ODR4: variants seen among roughly 807,000 people sequenced by gnomAD.
ODR4 encodes protein odr-4 homolog.
ODR4 carries 47 observed loss-of-function variants against 60.2 expected under a neutral mutation model. That is an observed-to-expected ratio of 0.78 (90% CI 0.62 to 1.00). The LOEUF (loss-of-function observed/expected upper bound fraction) is 1.00, where lower values mean the gene tolerates loss of function less well. Among genes scored for constraint, ODR4 ranks in the 50% least tolerant of loss-of-function variants. ODR4 has a pLI of 0.00. For synonymous variants in ODR4, 178 were observed against 175.5 expected (o/e 1.01, Z -0.11); for missense variants, 488 against 530.8 (o/e 0.92, Z 0.79).
chr1:186,422,715 T>TATTGTA (rs1490634348), downstream of ODR4, among the ~76,000 whole-genome samples: 1 of 152,062 alleles, frequency 6.6e-6, no homozygotes, highest in African/African-American at 2.4e-5. Flanking sequence ...TTAAATTGGG[T>TATTGTA]ATTGTAGCTG....
At chr1:186,399,988 T>TCC (rs1295978984) in intron 11 of ODR4, among the ~76,000 whole-genome samples, 1 of 147,364 alleles carries the variant, frequency 6.8e-6, no homozygotes. Context: ...CTTTTTTTTT[T>TCC]TCTTTTTTTT....
chr1:186,396,720 T>TATAGATAGATAGATAG (rs71104855), intron 9 of ODR4, among the ~76,000 whole-genome samples: 2,316 of 144,852 alleles, frequency 0.016, 28 homozygotes, highest in African/African-American at 0.017. Flanking sequence ...ATGCCATAAT[T>TATAGATAGATAGATAG]ATAGATAGAT....
chr1:186,382,910 C>T (rs1660094001), intron 2 of ODR4, 112 bp from the exon 3 acceptor site: 26 of 1,121,230 alleles, frequency 2.3e-5, no homozygotes, highest in Non-Finnish European at 3.2e-5. Flanking sequence ...TAACCTGTTA[C>T]AAATATTACT....
At position 186,394,412 on chromosome 1, in the gene ODR4, A is replaced by AC. The variant is rs200282849; in HGVS notation, c.780+402dup. 1.5e-3 allele frequency among the ~76,000 whole-genome samples: 231 copies of AC among 152,162 alleles called. 6 individuals carry two copies. In the East Asian group the frequency reaches 0.041, roughly 27 times the overall value. ...TTTGAAGTAGATTAATTAGATTTAT[A>AC]CCCCCTGATTTGATAAAAATCACAA... On this transcript the variant is annotated intron_variant, in intron 9 of 13. Coordinates refer to ENST00000287859, the MANE Select transcript of ODR4 (RefSeq NM_017847.6).
At chr1:186,389,925 C>T (rs1660396993) in intron 6 of ODR4, among the ~76,000 whole-genome samples, 1 of 152,142 alleles carries the variant, frequency 6.6e-6, no homozygotes, top group Non-Finnish European at 1.5e-5. Context: ...GTAGCTGAGA[C>T]TATAGATGTG....
chr1:186,388,090 T>G (rs922923848), intron 4 of ODR4, among the ~76,000 whole-genome samples: 16 of 152,220 alleles, frequency 1.1e-4, no homozygotes, highest in African/African-American at 3.4e-4. Context: ...CCAGTTAATC[T>G]CTAATGATAG....
intron 3 of ODR4, among the ~76,000 whole-genome samples, chr1:186,383,644 A>G (rs1433122691): frequency 6.8e-6 from 1 of 147,978 alleles, no homozygotes; most frequent in Non-Finnish European, 1.5e-5. Context: ...AAATCTTTAA[A>G]TCTTTTAAAC....
intron 12 of ODR4, among the ~76,000 whole-genome samples, chr1:186,412,397 T>A (rs529855514): frequency 1.3e-5 from 2 of 152,182 alleles, no homozygotes; most frequent in East Asian, 3.9e-4. Flanking sequence ...GAAGGATGAA[T>A]ACAAATAAAA....
intron 9 of ODR4, among the ~76,000 whole-genome samples, chr1:186,397,713 G>T (rs1273051550): frequency 6.6e-6 from 1 of 152,090 alleles, no homozygotes; most frequent in Non-Finnish European, 1.5e-5. Context: ...TTTTGATACT[G>T]TCCTTGTTTT....
chr1:186,389,912 T>G (rs1371102329), intron 6 of ODR4, among the ~76,000 whole-genome samples: 1 of 152,180 alleles, frequency 6.6e-6, no homozygotes, highest in Non-Finnish European at 1.5e-5. Context: ...CTCAGCCTCT[T>G]GAGTAGCTGA....
At chr1:186,385,523 T>C (rs16825279) in intron 3 of ODR4, among the ~76,000 whole-genome samples, 29,007 of 151,418 alleles carry the variant, frequency 0.19, 3,379 homozygotes, top group African/African-American at 0.32. Context: ...GGTTGAGACA[T>C]GCAGAAGTAT....
intron 13 of ODR4, among the ~76,000 whole-genome samples, chr1:186,418,568 G>A (rs969933698): frequency 8.5e-5 from 13 of 152,126 alleles, no homozygotes; most frequent in African/African-American, 3.1e-4. Flanking sequence ...TATAATGGTC[G>A]AACATGGACT....
At chr1:186,403,606 C>G (rs1472768972) in intron 11 of ODR4, among the ~76,000 whole-genome samples, 1 of 151,456 alleles carries the variant, frequency 6.6e-6, no homozygotes, top group African/African-American at 2.4e-5. Flanking sequence ...GATCTCTAAA[C>G]TAAACCTAGG....
chr1:186,399,813 A>T (rs1429048698), intron 11 of ODR4, among the ~76,000 whole-genome samples: 1 of 152,062 alleles, frequency 6.6e-6, no homozygotes, highest in African/African-American at 2.4e-5. Flanking sequence ...CATTACGTTT[A>T]AAAAAGGCTG....
chr1:186,385,357 G>A (rs985023261), intron 3 of ODR4, among the ~76,000 whole-genome samples: 3 of 149,092 alleles, frequency 2.0e-5, no homozygotes, highest in African/African-American at 7.5e-5. Context: ...TTCCCTTAAG[G>A]AGCTCCCTGA....
In ODR4 at chr1:186,399,176, T is replaced by C. The variant is rs1040707326; in HGVS notation, c.1000+132T>C. 5.4e-6 allele frequency: 4 copies of C among 736,132 alleles called. No homozygotes were observed. The African/African-American group carries it at 7.0e-5, about 13-fold the overall frequency. The allele number at this position is 736,132 out of a possible 1,614,324, so 45.6% of individuals were successfully genotyped here. ...TCAAGCAGTATATCATCTTTTATTA[T>C]TGGATGAAAATTTTTCAGTTGCTAC... On this transcript the variant is annotated intron_variant, in intron 11 of 13. Coordinates refer to ENST00000287859, the MANE Select transcript of ODR4 (RefSeq NM_017847.6).
At chr1:186,398,615 G>A (rs377311496) in intron 10 of ODR4, among the ~76,000 whole-genome samples, 174 bp downstream of exon 10, 5 of 152,250 alleles carry the variant, frequency 3.3e-5, no homozygotes, top group South Asian at 2.1e-4. Flanking sequence ...CATATGTAGA[G>A]TATCTATTTT....
At chr1:186,411,756 C>T in intron 12 of ODR4, 12 of 432,174 alleles carry the variant, frequency 2.8e-5, no homozygotes, top group Non-Finnish European at 3.7e-5. Flanking sequence ...TTATATGTTT[C>T]ACACTGTATT....
chr1:186,395,534 T>C (rs948788185), intron 9 of ODR4, among the ~76,000 whole-genome samples: 21 of 152,214 alleles, frequency 1.4e-4, no homozygotes, highest in African/African-American at 4.6e-4. Context: ...TTAAGTCTTA[T>C]TGATTCCTTA....
Sources: gnomAD v4.1 joint callset for allele counts (sites outside exome capture counted in the v4.1 genomes callset) on GRCh38, gnomAD v4.1.1 for gene constraint, MANE v1.5 for transcripts, NCBI Gene and HGNC (gene_info 2026-07-23, HGNC 2026-07-21) for gene names.